The following BEGAIN variants were observed in gnomAD, a reference collection of about 807,000 sequenced individuals.
BEGAIN encodes brain-enriched guanylate kinase-associated protein.
Under a neutral mutation model 35.8 loss-of-function variants are expected in BEGAIN, and 19 were observed. That is an observed-to-expected ratio of 0.53 (90% CI 0.37 to 0.78). BEGAIN has a LOEUF of 0.78. BEGAIN is among the 30% of genes least tolerant of loss of function. The pLI is 0.00. For synonymous variants in BEGAIN, 462 were observed against 388.6 expected, an observed-to-expected ratio of 1.19 and a Z score of -2.22; for missense variants, 795 against 853.6, an observed-to-expected ratio of 0.93 and a Z score of 0.85.
intron 2 of BEGAIN, among the ~76,000 whole-genome samples, chr14:100,553,488 C>T (rs1330166865): frequency 6.6e-6 from 1 of 152,190 alleles, no homozygotes; most frequent in African/African-American, 2.4e-5. Context: ...AGGCCTGATG[C>T]CTCTTCTCGC....
In BEGAIN at chr14:100,546,580, C is replaced by A; in HGVS notation, c.154G>T (p.Asp52Tyr). ...HKLEKLETEFDSTRHYLEIEL... is the reference protein window; with the variant it reads ...HKLEKLETEFYSTRHYLEIEL... ...ATCTCCAGGTAGTGGCGCGTGGAGT[C>A]GAACTCGGTCTCGAGCTTCTCGAGC... The change falls in exon 3 of 7, where the codon GAC becomes TAC. Residue 52 changes from aspartate (D) to tyrosine (Y), a missense_variant. Transcript: ENST00000554140. The A allele has an allele frequency of 6.3e-7, 1 of 1,592,752 alleles. No homozygotes were observed. Among genetic ancestry groups the A allele is most frequent in the Non-Finnish European group, 8.5e-7 (1 of 1,172,702 alleles).
intron 1 of BEGAIN, among the ~76,000 whole-genome samples, chr14:100,571,583 C>G (rs148700556): frequency 6.6e-6 from 1 of 152,194 alleles, no homozygotes; most frequent in Non-Finnish European, 1.5e-5. Context: ...GGGCCAGGGA[C>G]CTTGCTATCT....
rs2035058016 is a variant in BEGAIN at position 100,570,838 on chromosome 14, A to G, written c.43-2899T>C. Among the ~76,000 whole-genome samples, 3 of 152,226 alleles carry G rather than the reference A, an allele frequency of 2.0e-5. No homozygotes were observed. The South Asian group carries it at 6.2e-4, about 32-fold the overall frequency. On this transcript the variant is annotated intron_variant, in intron 1 of 6. Transcript: ENST00000554140. ...CGGTGATTTTCGTGAGACCCTTACTACGGGTGAGGAAACGGAGGCCAGCGC... is the reference window on the plus strand; with the variant it reads ...CGGTGATTTTCGTGAGACCCTTACTGCGGGTGAGGAAACGGAGGCCAGCGC...
At chr14:100,574,529 T>G (rs1311519937) in intron 1 of BEGAIN, among the ~76,000 whole-genome samples, 2 of 152,152 alleles carry the variant, frequency 1.3e-5, no homozygotes, top group Non-Finnish European at 2.9e-5. Flanking sequence ...TTTTTTTTTT[T>G]TTTTTTTTTT....
Position 100,587,395 on chromosome 14 carries a change from C to T in BEGAIN, c.-105G>A, listed in dbSNP as rs953116478. On this transcript the variant is annotated 5_prime_UTR_variant, in exon 1 of 7. Coordinates refer to ENST00000554140, the MANE Select transcript of BEGAIN (RefSeq NM_001385089.1). ...CCGGCGCGGCCGGGGCTCCCCCACC[C>T]CGCCCGGCTTCCCGCAGGGAGCGCC... 3 of 145,990 alleles carry T rather than the reference C, an allele frequency of 2.1e-5. No homozygotes were observed. Among genetic ancestry groups the T allele is most frequent in the Non-Finnish European group, 4.6e-5 (3 of 65,480 alleles). The allele number at this position is 145,990 out of a possible 1,614,324, so 9.0% of individuals were successfully genotyped here.
At chr14:100,576,622 C>T (rs1008242718) in intron 1 of BEGAIN, among the ~76,000 whole-genome samples, 1 of 152,190 alleles carries the variant, frequency 6.6e-6, no homozygotes, top group Non-Finnish European at 1.5e-5. Flanking sequence ...GCACGAGCAA[C>T]ATCCGGGCAG....
chr14:100,572,937 G>A (rs1052936680), intron 1 of BEGAIN, among the ~76,000 whole-genome samples: 2 of 151,992 alleles, frequency 1.3e-5, no homozygotes, highest in Non-Finnish European at 2.9e-5. Flanking sequence ...TGGTCAGACT[G>A]GATGAAATTC....
At chr14:100,541,525 G>A (rs1479581083) in intron 5 of BEGAIN, among the ~76,000 whole-genome samples, 1 of 152,202 alleles carries the variant, frequency 6.6e-6, no homozygotes, top group Non-Finnish European at 1.5e-5. Flanking sequence ...CGTCGGAGTC[G>A]CCAAACCCCT....
intron 2 of BEGAIN, among the ~76,000 whole-genome samples, chr14:100,566,700 G>C (rs1180436619): frequency 2.0e-5 from 3 of 152,190 alleles, no homozygotes; most frequent in Non-Finnish European, 4.4e-5. Context: ...GGTGGGCCTG[G>C]CTGATGGGTA....
rs2035470047 is a variant in BEGAIN at position 100,587,394 on chromosome 14, C to G, written c.-104G>C. ...GCCGGCGCGGCCGGGGCTCCCCCAC[C>G]CCGCCCGGCTTCCCGCAGGGAGCGC... On this transcript the variant is annotated 5_prime_UTR_variant, in exon 1 of 7. Coordinates refer to ENST00000554140, the MANE Select transcript of BEGAIN (RefSeq NM_001385089.1). 2 of 146,054 alleles carry G rather than the reference C, an allele frequency of 1.4e-5. No homozygotes were observed. Among genetic ancestry groups the G allele is most frequent in the Non-Finnish European group, 3.1e-5 (2 of 65,476 alleles). 9.0% of individuals were successfully genotyped at this position (146,054 alleles called of 1,614,324 possible).
rs1011948628 is a variant in BEGAIN at position 100,567,546 on chromosome 14, G to T, written c.71+365C>A. 6.6e-6 allele frequency among the ~76,000 whole-genome samples: 1 copy of T among 152,016 alleles called. No homozygotes were observed. The highest frequency in any genetic ancestry group is 1.9e-4 in the East Asian group (1 of 5,158). On this transcript the variant is annotated intron_variant, in intron 2 of 6. Coordinates refer to ENST00000554140, the MANE Select transcript of BEGAIN (RefSeq NM_001385089.1). The surrounding 1 kb of genome is among the most constrained non-coding windows in gnomAD (Gnocchi z 5.1). ...AGAGAGCGCCGGGGCAGTGCGGAACGGCACGAACGGAACCCGGAGGGTCCC... is the reference window on the plus strand; with the variant it reads ...AGAGAGCGCCGGGGCAGTGCGGAACTGCACGAACGGAACCCGGAGGGTCCC...
intron 6 of BEGAIN, 100 bp from the exon 7 acceptor site, chr14:100,539,415 C>T (rs983587675): frequency 6.1e-6 from 9 of 1,471,106 alleles, no homozygotes; most frequent in Non-Finnish European, 8.0e-6. Flanking sequence ...TAGCCATGAC[C>T]GACAGGCAGA....
At chr14:100,561,680 A>C (rs2034267680) in intron 2 of BEGAIN, among the ~76,000 whole-genome samples, 1 of 151,912 alleles carries the variant, frequency 6.6e-6, no homozygotes, top group Non-Finnish European at 1.5e-5. Context: ...TGAGCCCTGG[A>C]CTGCACTCCA....
chr14:100,577,221 G>A, intron 1 of BEGAIN: 1 of 398,292 alleles, frequency 2.5e-6, no homozygotes, highest in Non-Finnish European at 4.4e-6. Context: ...TTATAAATGG[G>A]GTGTGGGGAG....
At chr14:100,556,594 G>GAT (rs550320634) in intron 2 of BEGAIN, among the ~76,000 whole-genome samples, 2 of 152,254 alleles carry the variant, frequency 1.3e-5, no homozygotes, top group South Asian at 4.2e-4. Flanking sequence ...ATCCCCCCTG[G>GAT]GTCAGGAGCC....
intron 1 of BEGAIN, among the ~76,000 whole-genome samples, chr14:100,575,542 C>A (rs1209510309): frequency 6.6e-6 from 1 of 152,118 alleles, no homozygotes; most frequent in Non-Finnish European, 1.5e-5. Context: ...ATGAGACTGA[C>A]CCTAGGATCA....
At position 100,546,804 on chromosome 14, in the gene BEGAIN, A is replaced by T. The variant is rs1406250375; in HGVS notation, c.72-142T>A. On this transcript the variant is annotated intron_variant, in intron 2 of 6. Coordinates refer to ENST00000554140, the MANE Select transcript of BEGAIN (RefSeq NM_001385089.1). ...CGCACACACACACACACACACACAC[A>T]CACACACACTCACACACACCCAGCC... is the stretch of plus-strand genomic sequence containing the variant. The T allele has an allele frequency of 3.5e-4, 219 of 632,742 alleles. 1 individual carries two copies. In the African/African-American group the frequency reaches 4.0e-3, roughly 11 times the overall value. The allele number at this position is 632,742 out of a possible 1,614,324, so 39.2% of individuals were successfully genotyped here. A position where few individuals can be genotyped will look rare whatever the true frequency, so the allele number is the denominator to read the frequency against.
chr14:100,542,712 C>A (rs895047854), intron 5 of BEGAIN, among the ~76,000 whole-genome samples: 4 of 152,224 alleles, frequency 2.6e-5, no homozygotes, highest in African/African-American at 9.7e-5. Context: ...GAATCCCAGC[C>A]CTCTGCCCAG....
chr14:100,554,875 C>T (rs2139582422), intron 2 of BEGAIN, among the ~76,000 whole-genome samples: 1 of 152,382 alleles, frequency 6.6e-6, no homozygotes, highest in East Asian at 1.9e-4. Flanking sequence ...CCTCGCCATT[C>T]CTGGCCCCCC....
Sources: allele counts gnomAD v4.1 joint callset (sites outside exome capture counted in the v4.1 genomes callset), GRCh38; gene constraint gnomAD v4.1.1; non-coding constraint Gnocchi (gnomAD v3.1); transcripts MANE v1.5; gene names NCBI Gene and HGNC (gene_info 2026-07-23, HGNC 2026-07-21).